Variants in PEBP4 observed in about 807,000 individuals in gnomAD.
PEBP4 encodes the protein phosphatidylethanolamine-binding protein 4.
In PEBP4, 22 loss-of-function variants were observed where a neutral mutation model predicts 23.9. The observed-to-expected ratio is 0.92, with a 90% CI of 0.66 to 1.31. The LOEUF is 1.31. Among genes scored for constraint, PEBP4 ranks in the 40% most tolerant of loss-of-function variants. The pLI, the probability that PEBP4 is intolerant of heterozygous loss-of-function variation, is 0.00. For missense variants in PEBP4, 324 were observed against 281.7 expected (o/e 1.15, Z -1.07); for synonymous variants, 112 against 99.3 (o/e 1.13, Z -0.76).
intron 4 of PEBP4, among the ~76,000 whole-genome samples, chr8:22,787,086 A>G (rs4871833): frequency 0.49 from 74,094 of 152,080 alleles, 18,960 homozygotes; most frequent in African/African-American, 0.65. Context: ...GCTTCCCAAG[A>G]GTGCTGGGAT....
At chr8:22,736,348 T>C (rs962285774) in intron 4 of PEBP4, among the ~76,000 whole-genome samples, 3 of 152,178 alleles carry the variant, frequency 2.0e-5, no homozygotes, top group African/African-American at 7.2e-5. Flanking sequence ...CTCATGCCTG[T>C]AATCCCAGCA....
Position 22,862,800 on chromosome 8 carries a change from T to A in PEBP4, c.259-45065A>T, listed in dbSNP as rs1392053302. Among the ~76,000 whole-genome samples, 27 of 10,842 alleles carry A rather than the reference T, an allele frequency of 2.5e-3. No homozygotes were observed. In the East Asian group the frequency reaches 0.047, roughly 19 times the overall value. 7.1% of individuals were successfully genotyped at this position (10,842 alleles called of 152,430 possible). A position where few individuals can be genotyped will look rare whatever the true frequency, so the allele number is the denominator to read the frequency against. Reference sequence around the variant, plus strand: ...CAGACCAGGGCCCACCCTCATAACCTTTTTTTTTTTTTTTTTTTGAGACGG... The same window carrying A: ...CAGACCAGGGCCCACCCTCATAACCATTTTTTTTTTTTTTTTTTGAGACGG... On this transcript the variant is annotated intron_variant, in intron 3 of 6. Coordinates refer to ENST00000256404, the MANE Select transcript of PEBP4 (RefSeq NM_144962.3).
intron 1 of PEBP4, among the ~76,000 whole-genome samples, chr8:22,935,708 T>C (rs1809528823): frequency 6.6e-6 from 1 of 152,210 alleles, no homozygotes; most frequent in Admixed American, 6.5e-5. Flanking sequence ...TATAAAACTA[T>C]CTTTAGGCTG....
At chr8:22,756,281 G>A (rs1291839041) in intron 4 of PEBP4, among the ~76,000 whole-genome samples, 1 of 152,188 alleles carries the variant, frequency 6.6e-6, no homozygotes, top group Non-Finnish European at 1.5e-5. Flanking sequence ...GGGCTTGTGC[G>A]AGAACCTCTG....
intron 3 of PEBP4, among the ~76,000 whole-genome samples, chr8:22,891,750 C>T (rs1261761221): frequency 6.6e-6 from 1 of 152,166 alleles, no homozygotes; most frequent in Non-Finnish European, 1.5e-5. Flanking sequence ...ATCCTCCCAC[C>T]ATGGACCACA....
chr8:22,715,982 A>T (rs1476858801), intron 6 of PEBP4, among the ~76,000 whole-genome samples: 1 of 151,998 alleles, frequency 6.6e-6, no homozygotes, highest in East Asian at 1.9e-4. Flanking sequence ...CCAGGCAGGA[A>T]AAGGGCAGCG....
chr8:22,827,388 A>C (rs1201386796), intron 3 of PEBP4, among the ~76,000 whole-genome samples: 1 of 152,210 alleles, frequency 6.6e-6, no homozygotes, highest in Non-Finnish European at 1.5e-5. Context: ...GTATGCAGTC[A>C]TTCCTTATTC....
At chr8:22,828,565 A>G (rs1368966500) in intron 3 of PEBP4, among the ~76,000 whole-genome samples, 1 of 151,882 alleles carries the variant, frequency 6.6e-6, no homozygotes, top group Non-Finnish European at 1.5e-5. Flanking sequence ...CTCTTGTGGT[A>G]TGTGTTCTCT....
intron 3 of PEBP4, among the ~76,000 whole-genome samples, chr8:22,888,581 C>T (rs781701951): frequency 2.6e-5 from 4 of 152,234 alleles, no homozygotes; most frequent in Admixed American, 6.5e-5. Context: ...GGCTGGGCCA[C>T]ACCAGTTTGC....
At chr8:22,713,752 C>G (rs1451539666) in intron 6 of PEBP4, among the ~76,000 whole-genome samples, 1 of 152,212 alleles carries the variant, frequency 6.6e-6, no homozygotes, top group Non-Finnish European at 1.5e-5. Context: ...CTGCCTGCTC[C>G]CCAGAGGGCA....
chr8:22,889,945 C>A (rs1808459069), intron 3 of PEBP4, among the ~76,000 whole-genome samples: 1 of 152,168 alleles, frequency 6.6e-6, no homozygotes, highest in African/African-American at 2.4e-5. Flanking sequence ...GTTCAATTTT[C>A]TTTTCCAATT....
At chr8:22,720,738 C>T (rs572399231) in intron 6 of PEBP4, among the ~76,000 whole-genome samples, 1 of 152,316 alleles carries the variant, frequency 6.6e-6, no homozygotes, top group East Asian at 1.9e-4. Context: ...CTCTCTGTTC[C>T]TCCTATCTTG....
chr8:22,740,113 G>A (rs1804958301), intron 4 of PEBP4, among the ~76,000 whole-genome samples: 1 of 152,168 alleles, frequency 6.6e-6, no homozygotes, highest in African/African-American at 2.4e-5. Context: ...CCCACCAATG[G>A]GCCCAGGCCT....
chr8:22,893,660 G>C (rs1021608193), intron 3 of PEBP4, among the ~76,000 whole-genome samples: 1 of 152,064 alleles, frequency 6.6e-6, no homozygotes, highest in Non-Finnish European at 1.5e-5. Context: ...GTGATGAAGA[G>C]TACACTGGAT....
chr8:22,719,896 G>A (rs1804486212), intron 6 of PEBP4, among the ~76,000 whole-genome samples: 2 of 152,208 alleles, frequency 1.3e-5, no homozygotes, highest in African/African-American at 2.4e-5. Context: ...TGTCACTTGT[G>A]GGCATGGTAC....
rs965036671 is a variant in PEBP4, at chr8:22,767,423, T to C, written c.358-40203A>G. On this transcript the variant is annotated intron_variant, in intron 4 of 6. Coordinates refer to ENST00000256404, the MANE Select transcript of PEBP4 (RefSeq NM_144962.3). ...AGGGAATTCAGGGTTATCCCTATAATGTTGTCACGTCCGCTGTCATTCCTC... is the reference window on the plus strand; with the variant it reads ...AGGGAATTCAGGGTTATCCCTATAACGTTGTCACGTCCGCTGTCATTCCTC... 2.0e-5 allele frequency among the ~76,000 whole-genome samples: 3 copies of C among 152,234 alleles called. No homozygotes were observed. In the South Asian group the frequency reaches 6.2e-4, roughly 32 times the overall value.
At chr8:22,884,743 C>T (rs1433271700) in intron 3 of PEBP4, 1 of 152,258 alleles carries the variant, frequency 6.6e-6, no homozygotes, top group Non-Finnish European at 1.5e-5. Context: ...AAGTTCAATT[C>T]AACATCCTCT....
At chr8:22,895,030 C>G (rs1190874316) in intron 3 of PEBP4, among the ~76,000 whole-genome samples, 1 of 152,178 alleles carries the variant, frequency 6.6e-6, no homozygotes, top group Non-Finnish European at 1.5e-5. Flanking sequence ...GATTCTGAAA[C>G]AGTAGACTTT....
intron 4 of PEBP4, among the ~76,000 whole-genome samples, chr8:22,744,155 A>C (rs1805059782): frequency 1.3e-5 from 2 of 152,238 alleles, no homozygotes; most frequent in African/African-American, 4.8e-5. Flanking sequence ...GGGGAACATA[A>C]AATCACTTGG....
Sources: gnomAD v4.1 joint callset for allele counts (sites outside exome capture counted in the v4.1 genomes callset) on GRCh38, gnomAD v4.1.1 for gene constraint, MANE v1.5 for transcripts, NCBI Gene and HGNC (gene_info 2026-07-23, HGNC 2026-07-21) for gene names.